The following LHPP variants were observed in gnomAD, a reference collection of about 807,000 sequenced individuals.
LHPP encodes phospholysine phosphohistidine inorganic pyrophosphate phosphatase.
In LHPP, 24 loss-of-function variants were observed where a neutral mutation model predicts 30.3. That is an observed-to-expected ratio of 0.79 (90% CI 0.57 to 1.11). The LOEUF is 1.11. LHPP is among the 50% of genes most tolerant of loss of function. The pLI is 0.00. For missense variants in LHPP, 356 were observed against 367.2 expected (o/e 0.97, Z 0.25); for synonymous variants, 150 against 157.1 (o/e 0.95, Z 0.34).
At chr10:124,552,583 C>G (rs554689552) in intron 6 of LHPP, among the ~76,000 whole-genome samples, 1 of 152,184 alleles carries the variant, frequency 6.6e-6, no homozygotes, top group East Asian at 1.9e-4. Context: ...GCTGAGCAGG[C>G]ACAGCTCTTA....
In LHPP at chr10:124,576,474, A is replaced by T. The variant is rs1208430152; in HGVS notation, c.717-36790A>T. Among the ~76,000 whole-genome samples, 1 of 120,802 alleles carries T rather than the reference A, an allele frequency of 8.3e-6. No individual in the cohort carries two copies. The highest frequency in any genetic ancestry group is 2.5e-4 in the East Asian group (1 of 4,064). The allele number at this position is 120,802 out of a possible 152,430, so 79.3% of individuals were successfully genotyped here. On this transcript the variant is annotated intron_variant, in intron 6 of 6. Coordinates refer to ENST00000368842, the MANE Select transcript of LHPP (RefSeq NM_022126.4). This position sits in a 1 kb window ranked among gnomAD's most constrained non-coding sequence, Gnocchi z 4.2. ...TATCCATCCTGCCTCCAGAACCCCT[A>T]TATCTTGCTCCCACTCCCTACCATA... is the stretch of plus-strand genomic sequence containing the variant.
chr10:124,474,796 G>A (rs1045002907), intron 1 of LHPP, among the ~76,000 whole-genome samples: 2 of 152,142 alleles, frequency 1.3e-5, no homozygotes, highest in African/African-American at 4.8e-5. Flanking sequence ...CACTGCTGGG[G>A]CTCAGTTCAC....
In LHPP at chr10:124,592,839, G is replaced by T. The variant is rs188704209; in HGVS notation, c.717-20425G>T. Among the ~76,000 whole-genome samples the T allele has an allele frequency of 2.8e-4, 43 of 152,364 alleles. No individual in the cohort carries two copies. In the East Asian group the frequency reaches 7.5e-3, roughly 27 times the overall value. On this transcript the variant is annotated intron_variant, in intron 6 of 6. Coordinates refer to ENST00000368842, the MANE Select transcript of LHPP (RefSeq NM_022126.4). This position sits in a 1 kb window ranked among gnomAD's most constrained non-coding sequence, Gnocchi z 6.2. ...AGATTCCGTCTAGGAATCGTCCAGG[G>T]CGCGGCAGCCCGCCAGGAGCCCGGG...
intron 6 of LHPP, among the ~76,000 whole-genome samples, chr10:124,577,842 T>A (rs986731418): frequency 6.6e-6 from 1 of 152,082 alleles, no homozygotes; most frequent in Non-Finnish European, 1.5e-5. Flanking sequence ...GTCACAACTG[T>A]ACTCAGCTAC....
intron 1 of LHPP, among the ~76,000 whole-genome samples, chr10:124,468,077 G>C (rs918973253): frequency 7.2e-5 from 11 of 152,260 alleles, no homozygotes; most frequent in African/African-American, 1.4e-4. Context: ...CAGGGAGAAG[G>C]GGGTGTTGGG....
At chr10:124,568,583 A>G (rs1381305847) in intron 6 of LHPP, among the ~76,000 whole-genome samples, 1 of 152,078 alleles carries the variant, frequency 6.6e-6, no homozygotes, top group Non-Finnish European at 1.5e-5. Context: ...GTGTTCTGCC[A>G]TTTCTCCGAA....
At chr10:124,575,297 C>G (rs377032977) in intron 6 of LHPP, among the ~76,000 whole-genome samples, 8 of 152,082 alleles carry the variant, frequency 5.3e-5, no homozygotes, top group African/African-American at 1.9e-4. Context: ...CCCAACGCAC[C>G]ACTCAGCCTA....
chr10:124,610,695 G>GGGCCGCATACTCATCCCCTTGCC, intron 6 of LHPP, among the ~76,000 whole-genome samples: 1 of 92,384 alleles, frequency 1.1e-5, no homozygotes, highest in Admixed American at 9.3e-5. Context: ...GCGGGTGCGG[G>GGGCCGCATACTCATCCCCTTGCC]TGCAGGTGAG....
intron 6 of LHPP, among the ~76,000 whole-genome samples, chr10:124,522,576 C>G (rs978405652): frequency 6.6e-6 from 1 of 152,228 alleles, no homozygotes; most frequent in Non-Finnish European, 1.5e-5. Context: ...CGCCCCCAGT[C>G]CCCTGGGCGG....
intron 6 of LHPP, among the ~76,000 whole-genome samples, chr10:124,535,378 C>T (rs143504511): frequency 1.1e-3 from 168 of 152,312 alleles, no homozygotes; most frequent in African/African-American, 3.8e-3. Flanking sequence ...TGTTTCCACA[C>T]AGCTTTAAGT....
intron 6 of LHPP, among the ~76,000 whole-genome samples, chr10:124,598,969 G>A (rs1411390700): frequency 7.2e-6 from 1 of 138,292 alleles, no homozygotes; most frequent in Non-Finnish European, 1.5e-5. Flanking sequence ...ATCCATCTCT[G>A]TCCTTCCATC....
chr10:124,498,598 T>C, intron 5 of LHPP: 2 of 820,858 alleles, frequency 2.4e-6, no homozygotes, highest in Non-Finnish European at 3.7e-6. Flanking sequence ...TTTTATTGTC[T>C]ACACCTACCC....
At chr10:124,470,136 CGA>C (rs1952684212) in intron 1 of LHPP, among the ~76,000 whole-genome samples, 1 of 152,048 alleles carries the variant, frequency 6.6e-6, no homozygotes, top group African/African-American at 2.4e-5. Flanking sequence ...TTGGGTTCCC[CGA>C]GGGGAGCCAT....
intron 6 of LHPP, among the ~76,000 whole-genome samples, chr10:124,527,972 G>A (rs982141077): frequency 5.3e-5 from 8 of 152,214 alleles, no homozygotes; most frequent in Middle Eastern, 3.4e-3. Context: ...TAAAGATGGA[G>A]TCTCCCTGTG....
chr10:124,498,184 T>A, intron 5 of LHPP, 56 bp downstream of exon 5: 27 of 1,338,972 alleles, frequency 2.0e-5, no homozygotes, highest in Non-Finnish European at 2.5e-5. Context: ...AGGGAGGCCC[T>A]GGAGCTTGGA....
At chr10:124,487,856 T>A (rs577160903) in intron 2 of LHPP, among the ~76,000 whole-genome samples, 30 of 152,320 alleles carry the variant, frequency 2.0e-4, no homozygotes, top group Middle Eastern at 3.4e-3. Flanking sequence ...CCTTGCAAAT[T>A]TTCCTATTTT....
chr10:124,550,841 G>A (rs889326913), intron 6 of LHPP, among the ~76,000 whole-genome samples: 8 of 152,140 alleles, frequency 5.3e-5, no homozygotes, highest in Admixed American at 2.6e-4. Flanking sequence ...TCCTGCCCAC[G>A]GCCCTGCCAT....
chr10:124,588,837 G>A lies in LHPP; in HGVS notation c.717-24427G>A, dbSNP rs1948840196. 2.0e-5 allele frequency among the ~76,000 whole-genome samples: 3 copies of A among 152,122 alleles called. No homozygotes were observed. The South Asian group carries it at 6.2e-4, about 32-fold the overall frequency. On this transcript the variant is annotated intron_variant, in intron 6 of 6. Coordinates refer to ENST00000368842, the MANE Select transcript of LHPP (RefSeq NM_022126.4). ...TCCCTCCTCTGACAGTCAGGTCCAG[G>A]GGGTCCTGGAGAGGGCACTGGCCCA...
At position 124,523,307 on chromosome 10, in the gene LHPP, C is replaced by G. The variant is rs59912725; in HGVS notation, c.716+6036C>G. On this transcript the variant is annotated intron_variant, in intron 6 of 6. Coordinates refer to ENST00000368842, the MANE Select transcript of LHPP (RefSeq NM_022126.4). The surrounding 1 kb of genome is among the most constrained non-coding windows in gnomAD (Gnocchi z 4.2). ...CCTGGGTGCTGAAGGGGTTTCCCCCCAGTGGGGTGGCCAGCCGATCTAGGA... is the reference window on the plus strand; with the variant it reads ...CCTGGGTGCTGAAGGGGTTTCCCCCGAGTGGGGTGGCCAGCCGATCTAGGA... Among the ~76,000 whole-genome samples the G allele has an allele frequency of 0.068, 10,391 of 152,298 alleles. 441 individuals are homozygous for G. Among genetic ancestry groups the G allele is most frequent in the African/African-American group, 0.11 (4,726 of 41,556 alleles).
Sources: allele counts gnomAD v4.1 joint callset (sites outside exome capture counted in the v4.1 genomes callset), GRCh38; gene constraint gnomAD v4.1.1; non-coding constraint Gnocchi (gnomAD v3.1); transcripts MANE v1.5; gene names NCBI Gene and HGNC (gene_info 2026-07-23, HGNC 2026-07-21).